The following HID1 variants were observed in gnomAD, a reference collection of about 807,000 sequenced individuals.
HID1 encodes protein HID1.
Under a neutral mutation model 89.7 loss-of-function variants are expected in HID1, and 42 were observed. The ratio of observed to expected loss-of-function variants is 0.47; its 90% CI spans 0.37 to 0.61. The LOEUF (loss-of-function observed/expected upper bound fraction) is 0.61, where lower values mean the gene tolerates loss of function less well. HID1 is among the 20% of genes least tolerant of loss of function. The pLI is 0.00. For synonymous variants in HID1, 442 were observed against 433.8 expected, an observed-to-expected ratio of 1.02 and a Z score of -0.24; for missense variants, 854 against 1,039.3, an observed-to-expected ratio of 0.82 and a Z score of 2.45.
intron 1 of HID1, among the ~76,000 whole-genome samples, chr17:74,969,918 TTTTC>T (rs1260147365): frequency 3.7e-5 from 3 of 80,212 alleles, no homozygotes; most frequent in African/African-American, 1.1e-4. Flanking sequence ...GATTTTTCTT[TTTTC>T]TTTTTTTTTT....
intron 1 of HID1, among the ~76,000 whole-genome samples, chr17:74,966,469 G>C (rs1363963949): frequency 6.6e-6 from 1 of 151,864 alleles, no homozygotes; most frequent in African/African-American, 2.4e-5. Flanking sequence ...ACCTCCTCGG[G>C]CCCATCCCTT....
chr17:74,963,862 T>C lies in HID1; in HGVS notation c.265A>G (p.Lys89Glu). Reference protein sequence around the residue: ...QGAESGCHSEKEKQIVLNCSR... With the variant: ...QGAESGCHSEEEKQIVLNCSR... ...CAGTTCAGGACGATCTGCTTCTCCTTCTCCGAGTGGCAGCCACTCTCAGCT... is the reference window on the plus strand; with the variant it reads ...CAGTTCAGGACGATCTGCTTCTCCTCCTCCGAGTGGCAGCCACTCTCAGCT... The change falls in exon 3 of 19, where the codon AAG becomes GAG. Residue 89 changes from lysine to glutamate, a missense_variant. By Grantham distance (56) the Lys-to-Glu change is moderately conservative. Coordinates refer to ENST00000425042, the MANE Select transcript of HID1 (RefSeq NM_030630.3). 1 of 1,613,904 alleles carries C rather than the reference T, an allele frequency of 6.2e-7. No individual in the cohort carries two copies. Among genetic ancestry groups the C allele is most frequent in the East Asian group, 2.2e-5 (1 of 44,874 alleles).
rs1219106676 is a variant in HID1, at chr17:74,958,246, T to C, written c.1393-27A>G. 2 of 1,608,326 alleles carry C rather than the reference T, an allele frequency of 1.2e-6. No homozygotes were observed. Among genetic ancestry groups the C allele is most frequent in the Admixed American group, 3.4e-5 (2 of 59,192 alleles). ...TGTGCCAGGAGGGACAGAGGCACCGTGGGGTCCCCGCTGCCTCCAGACTCA... is the reference window on the plus strand; with the variant it reads ...TGTGCCAGGAGGGACAGAGGCACCGCGGGGTCCCCGCTGCCTCCAGACTCA... On this transcript the variant is annotated intron_variant, in intron 11 of 18. Coordinates refer to ENST00000425042, the MANE Select transcript of HID1 (RefSeq NM_030630.3). This position sits in a 1 kb window ranked among gnomAD's most constrained non-coding sequence, Gnocchi z 5.2.
chr17:74,963,756 C>T lies in HID1; in HGVS notation c.371G>A (p.Gly124Glu), dbSNP rs1245818216. Residue 124 changes from glycine (G) to glutamate (E), a missense_variant, in exon 3 of 19, where the codon GGG becomes GAG. Gly to Glu is a moderately conservative substitution (Grantham distance 98). Transcript: ENST00000425042. ...WRGFFWSTVP[G>E]AGRGGQGEED... is the part of the protein sequence containing the mutation. Reference sequence around the variant, plus strand: ...CCCACAGACCCCTCCTCGCCCTGCCCCGGGCACTGTGGACCAGAAGAAGCC... The same window carrying T: ...CCCACAGACCCCTCCTCGCCCTGCCTCGGGCACTGTGGACCAGAAGAAGCC... The T allele has an allele frequency of 6.2e-7, 1 of 1,610,892 alleles. No individual in the cohort carries two copies. Among genetic ancestry groups the T allele is most frequent in the Non-Finnish European group, 8.5e-7 (1 of 1,178,706 alleles).
At chr17:74,957,101 G>A (rs974694136) in intron 12 of HID1, among the ~76,000 whole-genome samples, 1 of 152,220 alleles carries the variant, frequency 6.6e-6, no homozygotes, top group Admixed American at 6.5e-5. Context: ...GGGAGGCTGA[G>A]GCAGGAGGAT....
At chr17:74,969,679 G>A (rs978879733) in intron 1 of HID1, among the ~76,000 whole-genome samples, 3 of 152,128 alleles carry the variant, frequency 2.0e-5, no homozygotes, top group African/African-American at 4.8e-5. Context: ...ATAGCTCACC[G>A]TAACCTTGAA....
At chr17:74,956,896 G>T (rs907517330) in intron 12 of HID1, among the ~76,000 whole-genome samples, 5 of 152,240 alleles carry the variant, frequency 3.3e-5, no homozygotes, top group African/African-American at 1.2e-4. Flanking sequence ...GACAAAGGCA[G>T]AAAGGGTGGG....
rs147753599 is a variant in HID1, at chr17:74,962,263, G to C, written c.582C>G (p.Pro194=). 2.5e-6 allele frequency: 4 copies of C among 1,611,598 alleles called. No individual in the cohort carries two copies. Among genetic ancestry groups the C allele is most frequent in the East Asian group, 4.5e-5 (2 of 44,768 alleles). ...WEAGVGFAHS[P]QPNYIHDMNR... is the part of the protein sequence containing the mutation. The stretch of plus-strand genomic sequence containing the variant: ...TCATATCGTGGATGTAGTTAGGCTG[G>C]GGGGAGTGAGCGAAGCCCACACCAG... Residue 194 remains proline, a synonymous_variant, in exon 5 of 19, where the codon CCC becomes CCG. Transcript: ENST00000425042. This position sits in a 1 kb window ranked among gnomAD's most constrained non-coding sequence, Gnocchi z 4.3.
intron 16 of HID1, among the ~76,000 whole-genome samples, chr17:74,952,706 C>T (rs1409736366): frequency 2.6e-5 from 4 of 152,042 alleles, no homozygotes; most frequent in African/African-American, 9.7e-5. Context: ...GGGAGGAAGT[C>T]GGAAAGAGTG....
chr17:74,961,993 G>T lies in HID1; in HGVS notation c.612-4C>A. 1 of 1,563,014 alleles carries T rather than the reference G, an allele frequency of 6.4e-7. No individual in the cohort carries two copies. Among genetic ancestry groups the T allele is most frequent in the Non-Finnish European group, 8.7e-7 (1 of 1,154,586 alleles). On this transcript the variant is annotated splice_polypyrimidine_tract_variant and splice_region_variant and intron_variant, in intron 5 of 18. Transcript: ENST00000425042. ...CAGCAGTTTCAGCAGCTCCATCCTT[G>T]TAGGAGGAAGGGGGAGGGCACCTTA... is the stretch of plus-strand genomic sequence containing the variant.
At chr17:74,966,566 C>T (rs2039567051) in intron 1 of HID1, among the ~76,000 whole-genome samples, 1 of 152,050 alleles carries the variant, frequency 6.6e-6, no homozygotes, top group South Asian at 2.1e-4. Flanking sequence ...ATCCTACAGC[C>T]AATAAAACCT....
chr17:74,952,936 C>T, intron 16 of HID1, 70 bp downstream of exon 16: 1 of 1,260,780 alleles, frequency 7.9e-7, no homozygotes, highest in Admixed American at 2.2e-5. Flanking sequence ...GAGCCCCAAC[C>T]CAGCTCCCGC....
At position 74,972,587 on chromosome 17, in the gene HID1, G is replaced by T; in HGVS notation, c.66+4C>A. The T allele has an allele frequency of 6.5e-7, 1 of 1,546,598 alleles. No homozygotes were observed. Among genetic ancestry groups the T allele is most frequent in the Non-Finnish European group, 8.7e-7 (1 of 1,144,600 alleles). On this transcript the variant is annotated splice_donor_region_variant and intron_variant, in intron 1 of 18. Transcript: ENST00000425042. The surrounding 1 kb of genome is among the most constrained non-coding windows in gnomAD (Gnocchi z 6.4). ...ATGGGGACGCCGGGGCCCCCGTGGCGCACCTGCGTCTTGGTGGTGAGCTGG... is the reference window on the plus strand; with the variant it reads ...ATGGGGACGCCGGGGCCCCCGTGGCTCACCTGCGTCTTGGTGGTGAGCTGG...
In HID1 at chr17:74,958,151, G is replaced by C; in HGVS notation, c.1461C>G (p.Ile487Met). 6.2e-7 allele frequency: 1 copy of C among 1,608,662 alleles called. No individual in the cohort carries two copies. Among genetic ancestry groups the C allele is most frequent in the Non-Finnish European group, 8.5e-7 (1 of 1,177,972 alleles). ...GCTCCGGGCCCCTACCGTTGACCAC[G>C]ATGGTGAGCAGGCAGTCGAAGAGGG... is the stretch of plus-strand genomic sequence containing the variant. Reference protein sequence around the residue: ...LQPLFDCLLTIVVNVSPYLKS... With the variant: ...LQPLFDCLLTMVVNVSPYLKS... The change falls in exon 12 of 19, where the codon ATC becomes ATG. Residue 487 changes from isoleucine to methionine, a missense_variant. By Grantham distance (10) the Ile-to-Met change is conservative. Transcript: ENST00000425042. The surrounding 1 kb of genome is among the most constrained non-coding windows in gnomAD (Gnocchi z 5.2).
At chr17:74,952,096 C>T (rs368674985) in intron 17 of HID1, 33 bp from the exon 18 acceptor site, 12 of 1,552,150 alleles carry the variant, frequency 7.7e-6, no homozygotes, top group Non-Finnish European at 1.0e-5. Context: ...AGCACACTCA[C>T]GTGGTCCAGG....
chr17:74,963,254 G>A (rs2039512354), intron 3 of HID1, 173 bp from the exon 4 acceptor site: 1 of 567,740 alleles, frequency 1.8e-6, no homozygotes. Context: ...AGGCAGAAGT[G>A]GGGCACAGCA....
rs574274968 is a variant in HID1, at chr17:74,960,391, G to A, written c.729-143C>T. On this transcript the variant is annotated intron_variant, in intron 6 of 18. Coordinates refer to ENST00000425042, the MANE Select transcript of HID1 (RefSeq NM_030630.3). ...AGGGAGTGGCTTGGAAAGAGTGGGTGTGGGAAGCCCAGAGCCATGATTAGG... is the reference window on the plus strand; with the variant it reads ...AGGGAGTGGCTTGGAAAGAGTGGGTATGGGAAGCCCAGAGCCATGATTAGG... 24 of 705,806 alleles carry A rather than the reference G, an allele frequency of 3.4e-5. No individual in the cohort carries two copies. In the Admixed American group the frequency reaches 4.0e-4, roughly 12 times the overall value. The allele number at this position is 705,806 out of a possible 1,614,324, so 43.7% of individuals were successfully genotyped here.
Position 74,958,907 on chromosome 17 carries a change from C to A in HID1, c.1149+4G>T. On this transcript the variant is annotated splice_donor_region_variant and intron_variant, in intron 9 of 18. Coordinates refer to ENST00000425042, the MANE Select transcript of HID1 (RefSeq NM_030630.3). This position sits in a 1 kb window ranked among gnomAD's most constrained non-coding sequence, Gnocchi z 5.2. Reference sequence around the variant, plus strand: ...CCCTGCAGGGCCCCTCGAGGCTGGCCCACCTTGTTGAAGTCGCAGAGCTTC... The same window carrying A: ...CCCTGCAGGGCCCCTCGAGGCTGGCACACCTTGTTGAAGTCGCAGAGCTTC... The A allele has an allele frequency of 6.3e-7, 1 of 1,588,532 alleles. No individual in the cohort carries two copies. The highest frequency in any genetic ancestry group is 8.5e-7 in the Non-Finnish European group (1 of 1,169,604).
At position 74,953,891 on chromosome 17, in the gene HID1, C is replaced by T. The variant is rs187940686; in HGVS notation, c.1865-240G>A. Among the ~76,000 whole-genome samples, 5 of 151,834 alleles carry T rather than the reference C, an allele frequency of 3.3e-5. No individual in the cohort carries two copies. The East Asian group carries it at 7.7e-4, about 23-fold the overall frequency. ...CTACACATGCTAAGCCCATCCAGTA[C>T]CCTCCCCCATCCCTGTGCCCATCCC... On this transcript the variant is annotated intron_variant, in intron 14 of 18. Coordinates refer to ENST00000425042, the MANE Select transcript of HID1 (RefSeq NM_030630.3).
Sources: allele counts gnomAD v4.1 joint callset (sites outside exome capture counted in the v4.1 genomes callset), GRCh38; gene constraint gnomAD v4.1.1; non-coding constraint Gnocchi (gnomAD v3.1); transcripts MANE v1.5; gene names NCBI Gene and HGNC (gene_info 2026-07-23, HGNC 2026-07-21).